Variants in BTBD9 observed in about 807,000 individuals in gnomAD.
BTBD9 encodes BTB/POZ domain-containing protein 9.
In BTBD9, 49 loss-of-function variants were observed where a neutral mutation model predicts 64.3. The observed-to-expected ratio is 0.76, with a 90% CI of 0.61 to 0.97. BTBD9 has a LOEUF of 0.97. Among genes scored for constraint, BTBD9 ranks in the 50% least tolerant of loss-of-function variants. The pLI is 0.00. For synonymous variants in BTBD9, 260 were observed against 274.7 expected, an observed-to-expected ratio of 0.95 and a Z score of 0.53; for missense variants, 598 against 762.1, an observed-to-expected ratio of 0.78 and a Z score of 2.53.
intron 6 of BTBD9, among the ~76,000 whole-genome samples, chr6:38,513,591 A>C (rs1266034561): frequency 2.0e-5 from 3 of 152,212 alleles, no homozygotes; most frequent in Non-Finnish European, 2.9e-5. Flanking sequence ...CATAAAAATG[A>C]ACCCAAGCAA....
At chr6:38,323,390 G>A (rs1763308293) in intron 7 of BTBD9, among the ~76,000 whole-genome samples, 1 of 152,194 alleles carries the variant, frequency 6.6e-6, no homozygotes, top group Non-Finnish European at 1.5e-5. Context: ...GAAGAAAAAG[G>A]GTGCAGAGGG....
At chr6:38,324,257 A>G (rs546274116) in intron 7 of BTBD9, among the ~76,000 whole-genome samples, 1 of 152,252 alleles carries the variant, frequency 6.6e-6, no homozygotes, top group East Asian at 1.9e-4. Context: ...AGATAGGCCA[A>G]GAAAATAAAT....
At chr6:38,588,671 T>C (rs1021323812) in intron 4 of BTBD9, 1 of 201,948 alleles carries the variant, frequency 5.0e-6, no homozygotes, top group African/African-American at 2.3e-5. Flanking sequence ...ATTGAAAGTA[T>C]AATTTGCTGG....
At chr6:38,507,135 A>T (rs185661118) in intron 6 of BTBD9, among the ~76,000 whole-genome samples, 316 of 152,328 alleles carry the variant, frequency 2.1e-3, no homozygotes, top group Non-Finnish European at 3.9e-3. Context: ...TTTTCTGACC[A>T]CACAATCTTA....
chr6:38,564,011 T>C (rs887974693), intron 6 of BTBD9, among the ~76,000 whole-genome samples: 2 of 151,832 alleles, frequency 1.3e-5, no homozygotes, highest in African/African-American at 4.8e-5. Flanking sequence ...ATCAATCTCC[T>C]GACCTTGTGA....
chr6:38,268,916 T>C (rs921458659), intron 8 of BTBD9, among the ~76,000 whole-genome samples: 1 of 152,208 alleles, frequency 6.6e-6, no homozygotes, highest in Non-Finnish European at 1.5e-5. Flanking sequence ...CGGTGGGCCA[T>C]GGACAATGAA....
intron 6 of BTBD9, among the ~76,000 whole-genome samples, chr6:38,464,949 A>C (rs754390437): frequency 6.6e-6 from 1 of 152,188 alleles, no homozygotes; most frequent in Non-Finnish European, 1.5e-5. Flanking sequence ...TGTTTAGCAG[A>C]ATTCATCAGT....
intron 7 of BTBD9, among the ~76,000 whole-genome samples, chr6:38,295,819 C>T (rs1443856511): frequency 6.6e-6 from 1 of 152,126 alleles, no homozygotes; most frequent in East Asian, 1.9e-4. Flanking sequence ...GAGGCGGAGG[C>T]AGGCGGAGCA....
intron 9 of BTBD9, among the ~76,000 whole-genome samples, chr6:38,203,298 G>A (rs1378435528): frequency 6.6e-6 from 1 of 152,014 alleles, no homozygotes; most frequent in Non-Finnish European, 1.5e-5. Flanking sequence ...TTTTCAAGCT[G>A]AGAAATAAAT....
At chr6:38,354,576 T>C (rs1244264513) in intron 6 of BTBD9, among the ~76,000 whole-genome samples, 1 of 152,158 alleles carries the variant, frequency 6.6e-6, no homozygotes, top group Non-Finnish European at 1.5e-5. Flanking sequence ...AGAGAACTAC[T>C]TGAAATGTAT....
intron 8 of BTBD9, among the ~76,000 whole-genome samples, chr6:38,266,692 T>G (rs145944244): frequency 6.6e-6 from 1 of 150,678 alleles, no homozygotes; most frequent in African/African-American, 2.4e-5. Context: ...AAAAAGAAAA[T>G]TATCTCATTT....
At chr6:38,611,203 A>G (rs573659782) in intron 1 of BTBD9, among the ~76,000 whole-genome samples, 21 of 152,302 alleles carry the variant, frequency 1.4e-4, no homozygotes, top group Non-Finnish European at 2.8e-4. Flanking sequence ...AGACATAGAA[A>G]AAAGAATTCC....
intron 2 of BTBD9, among the ~76,000 whole-genome samples, chr6:38,595,057 G>T (rs1005565547): frequency 4.6e-5 from 7 of 152,308 alleles, no homozygotes; most frequent in African/African-American, 1.7e-4. Flanking sequence ...AAGATCAAGG[G>T]AGATCAACAG....
At chr6:38,467,135 A>G (rs1770432208) in intron 6 of BTBD9, among the ~76,000 whole-genome samples, 1 of 152,198 alleles carries the variant, frequency 6.6e-6, no homozygotes, top group South Asian at 2.1e-4. Context: ...CTGAATTAAA[A>G]CAAACAAACA....
At chr6:38,386,932 C>T (rs1037072285) in intron 6 of BTBD9, among the ~76,000 whole-genome samples, 12 of 152,098 alleles carry the variant, frequency 7.9e-5, no homozygotes, top group Admixed American at 1.3e-4. Flanking sequence ...CATCAGCCAA[C>T]GCGTCTGGCC....
intron 6 of BTBD9, among the ~76,000 whole-genome samples, chr6:38,427,723 A>C (rs1768238869): frequency 6.6e-6 from 1 of 152,020 alleles, no homozygotes; most frequent in Non-Finnish European, 1.5e-5. Context: ...AAAAGAAGAG[A>C]AAATCCACAA....
chr6:38,175,301 G>T, intron 10 of BTBD9, 119 bp from the exon 11 acceptor site: 1 of 1,050,774 alleles, frequency 9.5e-7, no homozygotes, highest in South Asian at 1.5e-5. Flanking sequence ...AGTTAGAGGA[G>T]GTCCTTCCCA....
chr6:38,492,750 C>G (rs1582521827), intron 6 of BTBD9, among the ~76,000 whole-genome samples: 1 of 151,892 alleles, frequency 6.6e-6, no homozygotes, highest in East Asian at 1.9e-4. Context: ...TGTTGATAAA[C>G]CAAAAAACTG....
At chr6:38,274,744 G>A (rs995237156) in intron 8 of BTBD9, among the ~76,000 whole-genome samples, 8 of 152,170 alleles carry the variant, frequency 5.3e-5, no homozygotes, top group African/African-American at 1.7e-4. Context: ...TGATCATGGT[G>A]GATAAGCTTT....
Sources: gnomAD v4.1 joint callset for allele counts (sites outside exome capture counted in the v4.1 genomes callset) on GRCh38, gnomAD v4.1.1 for gene constraint, MANE v1.5 for transcripts, NCBI Gene and HGNC (gene_info 2026-07-23, HGNC 2026-07-21) for gene names.